Variants in HCN1 observed in about 807,000 individuals in gnomAD.
The protein encoded by HCN1 is hyperpolarization activated cyclic nucleotide gated potassium channel 1.
Under a neutral mutation model 78.9 loss-of-function variants are expected in HCN1, and 13 were observed. The ratio of observed to expected loss-of-function variants is 0.16; its 90% CI spans 0.11 to 0.26. The LOEUF (loss-of-function observed/expected upper bound fraction) is 0.26, where lower values mean the gene tolerates loss of function less well. Among genes scored for constraint, HCN1 ranks in the 10% least tolerant of loss-of-function variants. HCN1 has a pLI of 1.00. For synonymous variants in HCN1, 552 were observed against 455.5 expected (o/e 1.21, Z -2.70); for missense variants, 810 against 1,154.3 (o/e 0.70, Z 4.32).
chr5:45,315,300 G>C (rs1280297987), intron 5 of HCN1, among the ~76,000 whole-genome samples: 1 of 152,146 alleles, frequency 6.6e-6, no homozygotes, highest in Non-Finnish European at 1.5e-5. Context: ...GGAACAACCT[G>C]CTCCTGAATG....
chr5:45,323,095 A>C (rs1320257372), intron 5 of HCN1, among the ~76,000 whole-genome samples: 1 of 151,884 alleles, frequency 6.6e-6, no homozygotes, highest in Non-Finnish European at 1.5e-5. Flanking sequence ...GCTTGAAGAC[A>C]CTTGGACAGG....
At position 45,262,495 on chromosome 5, in the gene HCN1, G is replaced by T. The variant is rs1352995652; in HGVS notation, c.2099C>A (p.Thr700Asn). 6.2e-6 allele frequency: 10 copies of T among 1,613,582 alleles called. No homozygotes were observed. In the African/African-American group the frequency reaches 1.1e-4, roughly 17 times the overall value. Reference protein sequence around the residue: ...PSAILSPCSYTTAVCSPPVQS... With the variant: ...PSAILSPCSYNTAVCSPPVQS... The stretch of plus-strand genomic sequence containing the variant: ...TACAGGAGGGCTGCAGACCGCGGTG[G>T]TGTAGGAGCAGGGTGACAGGATGGC... The change falls in exon 8 of 8, where the codon ACC (threonine) becomes AAC (asparagine). Residue 700 changes from threonine (T) to asparagine (N), a missense_variant. Transcript: ENST00000303230.
intron 2 of HCN1, among the ~76,000 whole-genome samples, chr5:45,501,671 C>A (rs1742190367): frequency 6.6e-6 from 1 of 152,126 alleles, no homozygotes; most frequent in Non-Finnish European, 1.5e-5. Context: ...AAACTCCTGA[C>A]CCGGGAGATC....
intron 2 of HCN1, among the ~76,000 whole-genome samples, chr5:45,613,101 C>T (rs906638077): frequency 1.3e-5 from 2 of 150,932 alleles, no homozygotes; most frequent in African/African-American, 4.9e-5. Flanking sequence ...TGCACTGCAC[C>T]CACTAACTCG....
chr5:45,376,266 T>G (rs1357539462), intron 4 of HCN1, among the ~76,000 whole-genome samples: 1 of 136,050 alleles, frequency 7.4e-6, no homozygotes, highest in African/African-American at 2.7e-5. Flanking sequence ...ATAGAATATA[T>G]ATTCTATATA....
intron 2 of HCN1, among the ~76,000 whole-genome samples, chr5:45,495,612 C>T (rs1241933425): frequency 6.6e-6 from 1 of 152,156 alleles, no homozygotes. Flanking sequence ...TAACTGATTG[C>T]CCTGGCCAGA....
intron 1 of HCN1, 152 bp downstream of exon 1, chr5:45,695,517 G>A (rs905593504): frequency 1.4e-6 from 1 of 694,048 alleles, no homozygotes; most frequent in Admixed American, 2.9e-5. Flanking sequence ...CGGAGGCGCC[G>A]AGTGGAGCCT....
intron 2 of HCN1, among the ~76,000 whole-genome samples, chr5:45,537,523 CTTTTTTTTTTTTTTTTTT>C (rs71000638): frequency 5.0e-4 from 13 of 25,744 alleles, no homozygotes; most frequent in Admixed American, 7.2e-4. Context: ...AACTCTAAGT[CTTTTTTTTTTTTTTTTTT>C]TTTTTTTTTT....
At chr5:45,523,495 T>C (rs1227021668) in intron 2 of HCN1, among the ~76,000 whole-genome samples, 3 of 152,148 alleles carry the variant, frequency 2.0e-5, no homozygotes, top group East Asian at 1.9e-4. Flanking sequence ...AGTGTTCCTA[T>C]TTCTCCACAT....
At chr5:45,540,175 T>C (rs746734902) in intron 2 of HCN1, among the ~76,000 whole-genome samples, 1 of 151,994 alleles carries the variant, frequency 6.6e-6, no homozygotes, top group Non-Finnish European at 1.5e-5. Context: ...TTTCAACTGC[T>C]TACTGACTTT....
intron 4 of HCN1, among the ~76,000 whole-genome samples, chr5:45,373,978 A>ATACATAATATATATAATATATATTATG (rs1561129952): frequency 4.6e-5 from 4 of 86,676 alleles, no homozygotes; most frequent in South Asian, 5.7e-4. Context: ...CATACAGTAG[A>ATACATAATATATATAATATATATTATG]TACATAATAT....
intron 2 of HCN1, among the ~76,000 whole-genome samples, chr5:45,625,932 G>T (rs1296668543): frequency 6.6e-6 from 1 of 152,074 alleles, no homozygotes; most frequent in Non-Finnish European, 1.5e-5. Flanking sequence ...AAGAAAATTT[G>T]GGATGATACA....
chr5:45,446,253 G>T lies in HCN1; in HGVS notation c.1011+15593C>A, dbSNP rs865870479. 4.6e-5 allele frequency among the ~76,000 whole-genome samples: 7 copies of T among 152,328 alleles called. 1 individual carries two copies. The South Asian group carries it at 1.4e-3, about 32-fold the overall frequency. On this transcript the variant is annotated intron_variant, in intron 3 of 7. Transcript: ENST00000303230. ...CTATGTGAAGAATGCAGAAGCCTCA[G>T]GAGCCAATGCGATCAACTGGAAGAA...
At chr5:45,549,304 G>A (rs1296151560) in intron 2 of HCN1, among the ~76,000 whole-genome samples, 2 of 152,050 alleles carry the variant, frequency 1.3e-5, no homozygotes, top group African/African-American at 4.8e-5. Context: ...CAGAGATATA[G>A]ACCAATGGAA....
chr5:45,476,504 T>A (rs1741518373), intron 2 of HCN1, among the ~76,000 whole-genome samples: 1 of 152,178 alleles, frequency 6.6e-6, no homozygotes. Flanking sequence ...GACCTTTTTT[T>A]CACCTTACTA....
intron 5 of HCN1, among the ~76,000 whole-genome samples, chr5:45,313,210 A>G (rs1377108381): frequency 1.3e-5 from 2 of 152,282 alleles, no homozygotes; most frequent in East Asian, 3.9e-4. Flanking sequence ...CTGTTCACCA[A>G]TATTCGATGT....
intron 2 of HCN1, among the ~76,000 whole-genome samples, chr5:45,468,122 G>C (rs1741314934): frequency 6.6e-6 from 1 of 152,102 alleles, no homozygotes. Flanking sequence ...AAAATGTGAA[G>C]ATACTTCAGG....
intron 5 of HCN1, among the ~76,000 whole-genome samples, chr5:45,311,170 T>A (rs1366398868): frequency 1.3e-5 from 2 of 152,086 alleles, no homozygotes; most frequent in South Asian, 4.1e-4. Context: ...GAACTTAAAA[T>A]GAAAGTTAAA....
intron 2 of HCN1, among the ~76,000 whole-genome samples, chr5:45,570,042 A>T (rs1433453388): frequency 6.6e-6 from 1 of 152,170 alleles, no homozygotes; most frequent in African/African-American, 2.4e-5. Context: ...TTGCCAGATT[A>T]TCTAAAATTA....
Sources: gnomAD v4.1 joint callset for allele counts (sites outside exome capture counted in the v4.1 genomes callset) on GRCh38, gnomAD v4.1.1 for gene constraint, MANE v1.5 for transcripts, NCBI Gene and HGNC (gene_info 2026-07-23, HGNC 2026-07-21) for gene names.